The following RASGRF2 variants were observed in gnomAD, a reference collection of about 807,000 sequenced individuals.
RASGRF2 encodes the protein ras-specific guanine nucleotide-releasing factor 2.
RASGRF2 carries 76 observed loss-of-function variants against 151.0 expected under a neutral mutation model. That is an observed-to-expected ratio of 0.50 (90% confidence interval 0.42 to 0.61). The LOEUF is 0.61. RASGRF2 is among the 20% of genes least tolerant of loss of function. The probability of loss-of-function intolerance (pLI) is 0.00; values close to 1 mark genes in which losing one functional copy is unlikely to be tolerated. For synonymous variants in RASGRF2, 504 were observed against 566.5 expected, an observed-to-expected ratio of 0.89 and a Z score of 1.57; for missense variants, 1,148 against 1,564.6, an observed-to-expected ratio of 0.73 and a Z score of 4.49.
intron 1 of RASGRF2, among the ~76,000 whole-genome samples, chr5:81,031,016 C>A (rs1750224219): frequency 6.6e-6 from 1 of 152,100 alleles, no homozygotes; most frequent in South Asian, 2.1e-4. Context: ...TCTGATAAAA[C>A]AGACTTTAAA....
intron 23 of RASGRF2, among the ~76,000 whole-genome samples, chr5:81,215,529 C>T (rs575751712): frequency 6.4e-4 from 98 of 152,242 alleles, no homozygotes; most frequent in African/African-American, 2.4e-3. Context: ...CCTCAGCCTC[C>T]CAAAGTGCTA....
intron 21 of RASGRF2, 134 bp downstream of exon 21, chr5:81,207,483 C>G: frequency 1.4e-6 from 1 of 736,560 alleles, no homozygotes; most frequent in Non-Finnish European, 2.2e-6. Context: ...TGTTTCCATC[C>G]ATGGAACTGG....
intron 17 of RASGRF2, among the ~76,000 whole-genome samples, chr5:81,138,808 A>G (rs1753816694): frequency 6.6e-6 from 1 of 151,888 alleles, no homozygotes; most frequent in African/African-American, 2.4e-5. Context: ...TTTCCCTTGA[A>G]ACCTCAGTTT....
At chr5:81,064,800 A>G (rs551914577) in intron 2 of RASGRF2, among the ~76,000 whole-genome samples, 4 of 152,290 alleles carry the variant, frequency 2.6e-5, no homozygotes, top group Middle Eastern at 3.4e-3. Flanking sequence ...ACTGGCTACT[A>G]CCCACTAAAA....
Position 81,229,090 on chromosome 5 carries a change from A to G in RASGRF2, c.*3320A>G, listed in dbSNP as rs1361295191. The G allele has an allele frequency of 6.6e-6, 1 of 152,164 alleles. No homozygotes were observed. The highest frequency in any genetic ancestry group is 1.5e-5 in the Non-Finnish European group (1 of 68,012). The allele number at this position is 152,164 out of a possible 1,614,324, so 9.4% of individuals were successfully genotyped here. The stretch of plus-strand genomic sequence containing the variant: ...TTTAAATTCTTAACTGAAAAGAGTA[A>G]TGCAATACAGGGATTATTCCCAATA... On this transcript the variant is annotated 3_prime_UTR_variant, in exon 27 of 27. Coordinates refer to ENST00000265080, the MANE Select transcript of RASGRF2 (RefSeq NM_006909.3).
At chr5:80,980,242 T>C (rs922345945) in intron 1 of RASGRF2, among the ~76,000 whole-genome samples, 1 of 152,206 alleles carries the variant, frequency 6.6e-6, no homozygotes, top group Non-Finnish European at 1.5e-5. Context: ...TGTTATCCTT[T>C]GCACCAAGAA....
chr5:81,158,675 A>G (rs1471641093), intron 17 of RASGRF2, among the ~76,000 whole-genome samples: 3 of 152,226 alleles, frequency 2.0e-5, no homozygotes, highest in Non-Finnish European at 4.4e-5. Context: ...ATCAAAGAAG[A>G]CAAATGAAAC....
intron 18 of RASGRF2, among the ~76,000 whole-genome samples, chr5:81,195,802 C>T (rs1755251989): frequency 6.6e-6 from 1 of 152,136 alleles, no homozygotes; most frequent in African/African-American, 2.4e-5. Flanking sequence ...ACGAAGGAGT[C>T]AGAAGGACTG....
In RASGRF2 at chr5:81,229,195, AT is replaced by A. The variant is rs1191393084; in HGVS notation, c.*3426del. ...TTTGATTTTATCCCCTTGAAAAAAA[AT>A]CTCTTCACTTTAAAGTATAAAGGTT... On this transcript the variant is annotated 3_prime_UTR_variant, in exon 27 of 27. Transcript: ENST00000265080. 1 of 152,128 alleles carries A rather than the reference AT, an allele frequency of 6.6e-6. No individual in the cohort carries two copies. The highest frequency in any genetic ancestry group is 2.1e-4 in the South Asian group (1 of 4,826). 9.4% of individuals were successfully genotyped at this position (152,128 alleles called of 1,614,324 possible).
At chr5:81,143,373 C>T (rs1753929002) in intron 17 of RASGRF2, among the ~76,000 whole-genome samples, 1 of 151,634 alleles carries the variant, frequency 6.6e-6, no homozygotes, top group Non-Finnish European at 1.5e-5. Flanking sequence ...GTCTTGAGCT[C>T]CTGACCTCAG....
At chr5:81,200,401 T>C (rs895602424) in intron 18 of RASGRF2, among the ~76,000 whole-genome samples, 1 of 152,186 alleles carries the variant, frequency 6.6e-6, no homozygotes, top group Non-Finnish European at 1.5e-5. Flanking sequence ...TGCTTATTAC[T>C]CTCATTATTC....
At chr5:80,992,844 A>T (rs1168996035) in intron 1 of RASGRF2, among the ~76,000 whole-genome samples, 1 of 152,240 alleles carries the variant, frequency 6.6e-6, no homozygotes, top group South Asian at 2.1e-4. Context: ...TGGTCAGCAC[A>T]TGAAACATTT....
intron 1 of RASGRF2, among the ~76,000 whole-genome samples, chr5:80,961,395 A>C (rs1376938534): frequency 6.7e-6 from 1 of 149,906 alleles, no homozygotes; most frequent in Non-Finnish European, 1.5e-5. Flanking sequence ...GTAGATTGGC[A>C]AGACGGAACT....
chr5:81,114,021 A>G, intron 15 of RASGRF2, 101 bp downstream of exon 15: 2 of 1,380,070 alleles, frequency 1.4e-6, no homozygotes, highest in Admixed American at 4.4e-5. Flanking sequence ...TTACAACTGT[A>G]ATACTTCTGC....
At chr5:81,144,267 G>A (rs1753953125) in intron 17 of RASGRF2, among the ~76,000 whole-genome samples, 1 of 152,170 alleles carries the variant, frequency 6.6e-6, no homozygotes, top group African/African-American at 2.4e-5. Context: ...GCTTGGTGGT[G>A]GAAGTCAGCA....
intron 17 of RASGRF2, among the ~76,000 whole-genome samples, chr5:81,152,220 T>G (rs1219295490): frequency 6.6e-6 from 1 of 152,156 alleles, no homozygotes; most frequent in Non-Finnish European, 1.5e-5. Context: ...CAGGCTGGTC[T>G]TGAACTCCTG....
At chr5:81,033,139 A>C (rs1750330001) in intron 1 of RASGRF2, among the ~76,000 whole-genome samples, 1 of 150,800 alleles carries the variant, frequency 6.6e-6, no homozygotes, top group Admixed American at 6.7e-5. Context: ...TGCTCAACGA[A>C]ATAAAAGAGG....
chr5:81,075,400 G>A (rs528022174), intron 5 of RASGRF2, among the ~76,000 whole-genome samples: 18 of 152,302 alleles, frequency 1.2e-4, no homozygotes, highest in Admixed American at 5.9e-4. Flanking sequence ...TTATACGGTC[G>A]TGCAAGAGCG....
At chr5:81,184,641 A>G (rs1431601445) in intron 18 of RASGRF2, among the ~76,000 whole-genome samples, 3 of 152,194 alleles carry the variant, frequency 2.0e-5, no homozygotes, top group East Asian at 1.9e-4. Flanking sequence ...AAACAGTCAC[A>G]TATTTTCTTA....
Sources: gnomAD v4.1 joint callset for allele counts (sites outside exome capture counted in the v4.1 genomes callset) on GRCh38, gnomAD v4.1.1 for gene constraint, MANE v1.5 for transcripts, NCBI Gene and HGNC (gene_info 2026-07-23, HGNC 2026-07-21) for gene names.